BMAL2: variants seen among roughly 807,000 people sequenced by gnomAD.
BMAL2 encodes the protein basic helix-loop-helix ARNT like 2, also known as basic helix-loop-helix ARNT-like protein 2.
chr12:27,383,244 G>A, the BMAL2 span, among the ~76,000 whole-genome samples: 1 of 152,202 alleles, frequency 6.6e-6, no homozygotes, highest in Non-Finnish European at 1.5e-5. Flanking sequence ...TTTGCCTCCT[G>A]GGACTATTGT....
chr12:27,399,482 C>A, the BMAL2 span, among the ~76,000 whole-genome samples: 1 of 152,172 alleles, frequency 6.6e-6, no homozygotes, highest in African/African-American at 2.4e-5. Context: ...AATGGAGATA[C>A]TAGAACATCC....
At chr12:27,345,527 T>TG in the BMAL2 span, among the ~76,000 whole-genome samples, 1 of 152,198 alleles carries the variant, frequency 6.6e-6, no homozygotes, top group Non-Finnish European at 1.5e-5. Flanking sequence ...GGTTCACTCT[T>TG]GCCCAGGCTG....
chr12:27,342,244 T>A, the BMAL2 span, among the ~76,000 whole-genome samples: 1 of 152,232 alleles, frequency 6.6e-6, no homozygotes, highest in Non-Finnish European at 1.5e-5. Flanking sequence ...AGCCAGTTGT[T>A]CTTATTTTAA....
chr12:27,392,152 C>T, the BMAL2 span, among the ~76,000 whole-genome samples: 1 of 152,180 alleles, frequency 6.6e-6, no homozygotes, highest in African/African-American at 2.4e-5. Context: ...CCTAACTCAA[C>T]TATGTGACTT....
At chr12:27,392,647 G>A in the BMAL2 span, among the ~76,000 whole-genome samples, 9 of 138,138 alleles carry the variant, frequency 6.5e-5, no homozygotes, top group African/African-American at 2.5e-4. Flanking sequence ...CCAATCATTT[G>A]TAAATCACCG....
chr12:27,357,124 AT>A, the BMAL2 span, among the ~76,000 whole-genome samples: 2 of 152,176 alleles, frequency 1.3e-5, no homozygotes, highest in Non-Finnish European at 2.9e-5. Context: ...TATTTTATAT[AT>A]ATCACAATTT....
At chr12:27,399,205 C>T in the BMAL2 span, among the ~76,000 whole-genome samples, 1 of 152,214 alleles carries the variant, frequency 6.6e-6, no homozygotes, top group African/African-American at 2.4e-5. Flanking sequence ...TCCAGCCTTT[C>T]CCACTGCAGC....
the BMAL2 span, among the ~76,000 whole-genome samples, chr12:27,393,583 A>G: frequency 1.8e-4 from 27 of 152,252 alleles, no homozygotes; most frequent in African/African-American, 6.3e-4. Context: ...CCTGAGCTGT[A>G]TTTTCTCCTA....
the BMAL2 span, among the ~76,000 whole-genome samples, chr12:27,411,444 C>T: frequency 6.6e-6 from 1 of 151,736 alleles, no homozygotes; most frequent in Admixed American, 6.6e-5. Flanking sequence ...TATCGAGACC[C>T]CATCTCAAAA....
At chr12:27,405,446 C>A in the BMAL2 span, among the ~76,000 whole-genome samples, 7 of 152,210 alleles carry the variant, frequency 4.6e-5, no homozygotes, top group Non-Finnish European at 8.8e-5. Flanking sequence ...TCACCAATAT[C>A]CGCTGTTCTG....
At chr12:27,352,797 G>A in the BMAL2 span, among the ~76,000 whole-genome samples, 18 of 152,142 alleles carry the variant, frequency 1.2e-4, no homozygotes, top group East Asian at 1.9e-4. Flanking sequence ...ATACTGCTAA[G>A]CTGAGCACCA....
chr12:27,342,601 A>C, the BMAL2 span, among the ~76,000 whole-genome samples: 1 of 152,258 alleles, frequency 6.6e-6, no homozygotes, highest in South Asian at 2.1e-4. Context: ...GTTTTGATGA[A>C]ACAGTGAACA....
chr12:27,392,413 G>A, the BMAL2 span, among the ~76,000 whole-genome samples: 1 of 152,158 alleles, frequency 6.6e-6, no homozygotes, highest in Non-Finnish European at 1.5e-5. Flanking sequence ...CAGAGTGCCT[G>A]TTCTCTCTGC....
At chr12:27,405,542 C>A in the BMAL2 span, among the ~76,000 whole-genome samples, 1 of 152,238 alleles carries the variant, frequency 6.6e-6, no homozygotes, top group African/African-American at 2.4e-5. Flanking sequence ...AGGGTCCTGA[C>A]TGTTAGAGGG....
chr12:27,390,524 A>G, the BMAL2 span: 3 of 295,704 alleles, frequency 1.0e-5, no homozygotes, highest in Non-Finnish European at 1.2e-5. Flanking sequence ...AGAGATGGAA[A>G]TAAAACTTTT....
At chr12:27,418,076 C>G in the BMAL2 span, 1 of 1,565,772 alleles carries the variant, frequency 6.4e-7, no homozygotes, top group South Asian at 1.1e-5. Context: ...GTTACTCTGG[C>G]TGTCTTTTCA....
At chr12:27,380,386 CACTTGAGATCT>C in the BMAL2 span, 2 of 1,614,132 alleles carry the variant, frequency 1.2e-6, no homozygotes, top group Non-Finnish European at 1.7e-6. Context: ...GGCTGTTCAA[CACTTGAGATCT>C]TTAAAAGGTG....
At chr12:27,367,398 C>A in the BMAL2 span, among the ~76,000 whole-genome samples, 1 of 152,018 alleles carries the variant, frequency 6.6e-6, no homozygotes, top group Non-Finnish European at 1.5e-5. Context: ...ATTTTCAGAC[C>A]AAAGTTGACC....
chr12:27,415,805 A>T, the BMAL2 span: 1 of 1,102,986 alleles, frequency 9.1e-7, no homozygotes, highest in Non-Finnish European at 1.4e-6. Context: ...TTATGTATTT[A>T]GAGGAGAAAA....
Sources: allele counts gnomAD v4.1 joint callset (sites outside exome capture counted in the v4.1 genomes callset), GRCh38; gene constraint gnomAD v4.1.1; transcripts MANE v1.5; gene names NCBI Gene and HGNC (gene_info 2026-07-23, HGNC 2026-07-21).